SLC25A12: variants seen among roughly 807,000 people sequenced by gnomAD.
SLC25A12 encodes the protein solute carrier family 25 member 12, also known as electrogenic aspartate/glutamate antiporter SLC25A12, mitochondrial.
SLC25A12 carries 32 observed loss-of-function variants against 83.3 expected under a neutral mutation model. That is an observed-to-expected ratio of 0.38 (90% confidence interval 0.29 to 0.52). The LOEUF (loss-of-function observed/expected upper bound fraction) is 0.52, where lower values mean the gene tolerates loss of function less well. Among genes scored for constraint, SLC25A12 ranks in the 20% least tolerant of loss-of-function variants. The probability of loss-of-function intolerance (pLI) is 0.84; values close to 1 mark genes in which losing one functional copy is unlikely to be tolerated. For synonymous variants in SLC25A12, 267 were observed against 291.1 expected, an observed-to-expected ratio of 0.92 and a Z score of 0.84; for missense variants, 611 against 835.6, an observed-to-expected ratio of 0.73 and a Z score of 3.31.
intron 11 of SLC25A12, among the ~76,000 whole-genome samples, chr2:171,810,756 C>G (rs921452195): frequency 1.3e-5 from 2 of 152,142 alleles, no homozygotes; most frequent in African/African-American, 4.8e-5. Flanking sequence ...TTATAGAATA[C>G]TAACTCCCAT....
chr2:171,861,748 T>C (rs1195062270), intron 3 of SLC25A12, among the ~76,000 whole-genome samples: 2 of 152,146 alleles, frequency 1.3e-5, no homozygotes, highest in African/African-American at 2.4e-5. Context: ...TATCCTGCCA[T>C]GGATTCCTTT....
chr2:171,793,783 A>T lies in SLC25A12; in HGVS notation c.1306-16T>A, dbSNP rs973882263. 1.9e-6 allele frequency: 3 copies of T among 1,614,134 alleles called. No individual in the cohort carries two copies. The highest frequency in any genetic ancestry group is 2.5e-6 in the Non-Finnish European group (3 of 1,180,012). ...AGCCTCCAGCCTGTAGGCAAGGGAG[A>T]AGAGACAGGCAGATTCCACATCAGA... On this transcript the variant is annotated splice_polypyrimidine_tract_variant and intron_variant, in intron 13 of 17. Transcript: ENST00000422440.
chr2:171,824,293 G>T (rs1430831090), intron 9 of SLC25A12, among the ~76,000 whole-genome samples: 2 of 152,170 alleles, frequency 1.3e-5, no homozygotes, highest in African/African-American at 4.8e-5. Context: ...ACTTTCCTAA[G>T]GATGAAGAAA....
chr2:171,791,107 T>A (rs12620126), intron 15 of SLC25A12, among the ~76,000 whole-genome samples: 31,463 of 151,942 alleles, frequency 0.21, 4,005 homozygotes, highest in East Asian at 0.56. Flanking sequence ...AGCAACTGAT[T>A]TGAGGAAAAA....
intron 2 of SLC25A12, among the ~76,000 whole-genome samples, chr2:171,890,645 C>T (rs1461241390): frequency 1.3e-5 from 2 of 152,114 alleles, no homozygotes; most frequent in African/African-American, 2.4e-5. Context: ...CCAGGTGTGG[C>T]TAATTTTTAA....
At chr2:171,867,886 CCAGG>C (rs1317724354) in intron 3 of SLC25A12, among the ~76,000 whole-genome samples, 1 of 152,136 alleles carries the variant, frequency 6.6e-6, no homozygotes, top group Non-Finnish European at 1.5e-5. Context: ...GCTCTGTTGC[CCAGG>C]CTAGAGTGCA....
At chr2:171,789,441 G>A (rs941886006) in intron 15 of SLC25A12, among the ~76,000 whole-genome samples, 2 of 152,014 alleles carry the variant, frequency 1.3e-5, no homozygotes, top group South Asian at 4.2e-4. Context: ...TGTTAGCCAG[G>A]ATGGTCTCGA....
At chr2:171,867,727 T>C (rs1265897488) in intron 3 of SLC25A12, among the ~76,000 whole-genome samples, 2 of 152,260 alleles carry the variant, frequency 1.3e-5, no homozygotes, top group Non-Finnish European at 2.9e-5. Flanking sequence ...TACAAGATGC[T>C]TTAAATATAG....
Position 171,787,854 on chromosome 2 carries a change from A to G in SLC25A12, c.1679T>C (p.Val560Ala). ...GAGAATCTTCCTGAAACAGTCGATG[A>G]CACCACTGTATGTCGTCTGGCCAGC... ...ARAGQTTYSG[V>A]IDCFRKILRE... Residue 560 changes from valine to alanine, a missense_variant, in exon 16 of 18, where the codon GTC (valine) becomes GCC (alanine). Val to Ala is a moderately conservative substitution (Grantham distance 64). Transcript: ENST00000422440. 1 of 1,614,198 alleles carries G rather than the reference A, an allele frequency of 6.2e-7. No homozygotes were observed. Among genetic ancestry groups the G allele is most frequent in the Non-Finnish European group, 8.5e-7 (1 of 1,180,006 alleles).
At chr2:171,856,382 C>G (rs1685045464) in intron 3 of SLC25A12, among the ~76,000 whole-genome samples, 2 of 152,114 alleles carry the variant, frequency 1.3e-5, no homozygotes. Context: ...TTGTGACCAG[C>G]AAAAATGTCT....
chr2:171,831,735 C>A (rs1429667557), intron 8 of SLC25A12, among the ~76,000 whole-genome samples: 1 of 151,974 alleles, frequency 6.6e-6, no homozygotes, highest in African/African-American at 2.4e-5. Context: ...GCTGTCGCTA[C>A]TAAAAATACA....
At position 171,844,484 on chromosome 2, in the gene SLC25A12, T is replaced by G; in HGVS notation, c.350A>C (p.Gln117Pro). ...TFENVKEIFG[Q>P]TIIHHHIPFN... Reference sequence around the variant, plus strand: ...AGGGATATGATGATGAATAATAGTCTGTCCAAAAATTTCTTTGACATTTTC... The same window carrying G: ...AGGGATATGATGATGAATAATAGTCGGTCCAAAAATTTCTTTGACATTTTC... Residue 117 changes from glutamine (Q) to proline (P), a missense_variant, in exon 5 of 18, where the codon CAG becomes CCG. By Grantham distance (76) the Gln-to-Pro change is moderately conservative. This residue lies in a region of SLC25A12 where 540 missense variants were observed against 777.5 expected (regional missense o/e 0.69). Transcript: ENST00000422440. 1 of 1,602,602 alleles carries G rather than the reference T, an allele frequency of 6.2e-7. No individual in the cohort carries two copies. Among genetic ancestry groups the G allele is most frequent in the South Asian group, 1.1e-5 (1 of 90,748 alleles).
chr2:171,815,254 T>C (rs890435352), intron 9 of SLC25A12, 52 bp from the exon 10 acceptor site: 6 of 1,226,702 alleles, frequency 4.9e-6, no homozygotes, highest in Non-Finnish European at 7.2e-6. Flanking sequence ...ACACAGCAAG[T>C]GAAAAAGCTA....
intron 13 of SLC25A12, 122 bp downstream of exon 13, chr2:171,809,484 T>G: frequency 7.4e-6 from 6 of 809,730 alleles, no homozygotes; most frequent in Non-Finnish European, 1.1e-5. Flanking sequence ...ATATGATTAT[T>G]GAGAAAACCT....
intron 15 of SLC25A12, among the ~76,000 whole-genome samples, chr2:171,790,073 C>A (rs748366172): frequency 2.2e-4 from 33 of 152,220 alleles, no homozygotes; most frequent in Admixed American, 4.6e-4. Context: ...TTCCCTGGGG[C>A]CGTTTCTTAA....
chr2:171,817,685 A>T, intron 9 of SLC25A12, among the ~76,000 whole-genome samples: 1 of 151,944 alleles, frequency 6.6e-6, no homozygotes, highest in East Asian at 1.9e-4. Context: ...GATGAAAATA[A>T]ATTTCATTCT....
chr2:171,788,399 G>A (rs1385171483), intron 15 of SLC25A12: 2 of 197,946 alleles, frequency 1.0e-5, no homozygotes, highest in Admixed American at 5.4e-5. Context: ...TTGTCGTAGT[G>A]TGGGAAGTGA....
intron 5 of SLC25A12, among the ~76,000 whole-genome samples, chr2:171,841,672 C>T (rs780182129): frequency 4.6e-5 from 7 of 152,144 alleles, no homozygotes; most frequent in African/African-American, 7.2e-5. Flanking sequence ...TGCCCTCAGC[C>T]GGAACAAGAG....
In SLC25A12 at chr2:171,888,510, C is replaced by T. The variant is rs186772953; in HGVS notation, c.66+4695G>A. Among the ~76,000 whole-genome samples the T allele has an allele frequency of 3.5e-4, 53 of 152,204 alleles. No homozygotes were observed. In the South Asian group the frequency reaches 7.1e-3, roughly 20 times the overall value. ...AGGCTGAAGTGCAGTGGCACAATCT[C>T]GGCTCACTGCAACCCCCGCTTCCCG... On this transcript the variant is annotated intron_variant, in intron 2 of 17. Transcript: ENST00000422440.
Sources: gnomAD v4.1 joint callset for allele counts (sites outside exome capture counted in the v4.1 genomes callset) on GRCh38, gnomAD v4.1.1 for gene constraint, gnomAD v4.1.1 regional missense constraint, MANE v1.5 for transcripts, NCBI Gene and HGNC (gene_info 2026-07-23, HGNC 2026-07-21) for gene names.